Variants in PCDHGA11 observed in about 807,000 individuals in gnomAD.
PCDHGA11 encodes protocadherin gamma subfamily A, 11, also known as protocadherin gamma-A11.
PCDHGA11 carries 39 observed loss-of-function variants against 60.4 expected under a neutral mutation model. The observed-to-expected ratio is 0.65, with a 90% CI of 0.50 to 0.84. PCDHGA11 has a LOEUF of 0.84. Among genes scored for constraint, PCDHGA11 ranks in the 40% least tolerant of loss-of-function variants. The pLI is 0.00. For synonymous variants in PCDHGA11, 533 were observed against 510.3 expected, an observed-to-expected ratio of 1.04 and a Z score of -0.60; for missense variants, 1,165 against 1,197.7, an observed-to-expected ratio of 0.97 and a Z score of 0.40.
At chr5:141,447,178 C>T (rs1258561542) in intron 1 of PCDHGA11, among the ~76,000 whole-genome samples, 2 of 152,094 alleles carry the variant, frequency 1.3e-5, no homozygotes, top group Middle Eastern at 3.4e-3. Context: ...TTGCTCTTGT[C>T]GCGCAGGCTG....
At chr5:141,454,283 T>G (rs2098785864) in intron 1 of PCDHGA11, among the ~76,000 whole-genome samples, 1 of 152,134 alleles carries the variant, frequency 6.6e-6, no homozygotes, top group Non-Finnish European at 1.5e-5. Flanking sequence ...AACTTCACAT[T>G]AAAGGAACTC....
At chr5:141,455,430 G>C (rs190218223) in intron 1 of PCDHGA11, among the ~76,000 whole-genome samples, 1 of 152,274 alleles carries the variant, frequency 6.6e-6, no homozygotes, top group Admixed American at 6.5e-5. Flanking sequence ...CTCCAAAAGA[G>C]GAGGTCCCCA....
In PCDHGA11 at chr5:141,491,778, C is replaced by T. The variant is rs568710854; in HGVS notation, c.2434-3029C>T. 3.1e-4 allele frequency: 482 copies of T among 1,547,678 alleles called. No homozygotes were observed. The highest frequency in any genetic ancestry group is 2.2e-3 in the Middle Eastern group (13 of 5,890). On this transcript the variant is annotated intron_variant, in intron 1 of 3. Transcript: ENST00000398587. This position sits in a 1 kb window ranked among gnomAD's most constrained non-coding sequence, Gnocchi z 6.9. Reference sequence around the variant, plus strand: ...CCGCCCGTCCTCATAAGGGATTGAACTTGCATCCACTCCTCTCCGGCCGGC... The same window carrying T: ...CCGCCCGTCCTCATAAGGGATTGAATTTGCATCCACTCCTCTCCGGCCGGC...
chr5:141,426,898 C>G (rs1246109323), intron 1 of PCDHGA11: 3 of 456,634 alleles, frequency 6.6e-6, no homozygotes, highest in Admixed American at 4.7e-5. Context: ...CAACAGAGCT[C>G]TCATCTCCTG....
chr5:141,510,898 T>G (rs1393880610), intron 3 of PCDHGA11, 49 bp from the exon 4 acceptor site: 1 of 1,613,278 alleles, frequency 6.2e-7, no homozygotes, highest in East Asian at 2.2e-5. Context: ...ACAGTGACTG[T>G]TGAGGACCCT....
intron 1 of PCDHGA11, among the ~76,000 whole-genome samples, chr5:141,465,159 A>C (rs1333891587): frequency 6.6e-6 from 1 of 151,952 alleles, no homozygotes; most frequent in East Asian, 1.9e-4. Flanking sequence ...AGGGACTCTA[A>C]ATGTTTATGA....
Position 141,476,889 on chromosome 5 carries a change from C to T in PCDHGA11, c.2434-17918C>T. ...CGGGCGCGCGTCCTGGAGGATGCAC[C>T]CTCCGGCACGCGCGTGGTACAAGTC... is the stretch of plus-strand genomic sequence containing the variant. On this transcript the variant is annotated intron_variant, in intron 1 of 3. Transcript: ENST00000398587. This position sits in a 1 kb window ranked among gnomAD's most constrained non-coding sequence, Gnocchi z 7.6. 6.2e-7 allele frequency: 1 copy of T among 1,613,960 alleles called. No individual in the cohort carries two copies. The highest frequency in any genetic ancestry group is 8.5e-7 in the Non-Finnish European group (1 of 1,180,034).
At chr5:141,498,971 G>GGGAGGGAAGGAAGGAAGGAAGGAA (rs2099787588) in intron 2 of PCDHGA11, among the ~76,000 whole-genome samples, 6 of 110,972 alleles carry the variant, frequency 5.4e-5, no homozygotes, top group Admixed American at 5.3e-4. Flanking sequence ...GAGGGAGGGA[G>GGGAGGGAAGGAAGGAAGGAAGGAA]GGAAGGAAGG....
At chr5:141,430,217 T>C (rs1055487905) in intron 1 of PCDHGA11, among the ~76,000 whole-genome samples, 1 of 150,102 alleles carries the variant, frequency 6.7e-6, no homozygotes, top group Non-Finnish European at 1.5e-5. Context: ...TATTATATTA[T>C]ATGATTTGTC....
chr5:141,470,738 C>T lies in PCDHGA11; in HGVS notation c.2434-24069C>T, dbSNP rs117476356. On this transcript the variant is annotated intron_variant, in intron 1 of 3. Transcript: ENST00000398587. ...TTTGAGTCAGGGTCTTGCTCTGTCG[C>T]CCTGGCTGGAGTGCAGTGGACTCAC... Among the ~76,000 whole-genome samples the T allele has an allele frequency of 1.9e-3, 295 of 152,226 alleles. 7 individuals carry two copies. In the East Asian group the frequency reaches 0.046, roughly 24 times the overall value.
chr5:141,478,434 T>C (rs747890986), intron 1 of PCDHGA11: 2 of 1,613,700 alleles, frequency 1.2e-6, no homozygotes, highest in East Asian at 2.2e-5. Flanking sequence ...GACCCGCTGC[T>C]GAAGAAACCT....
At position 141,487,946 on chromosome 5, in the gene PCDHGA11, C is replaced by G. The variant is rs187890859; in HGVS notation, c.2434-6861C>G. 7.9e-5 allele frequency among the ~76,000 whole-genome samples: 12 copies of G among 152,298 alleles called. No homozygotes were observed. The highest frequency in any genetic ancestry group is 7.8e-4 in the Admixed American group (12 of 15,304). Reference sequence around the variant, plus strand: ...AGTGCACAGGGTACAGTGCACCAGGCAGTCACTTGGACAAAGGTGGCTGTT... The same window carrying G: ...AGTGCACAGGGTACAGTGCACCAGGGAGTCACTTGGACAAAGGTGGCTGTT... On this transcript the variant is annotated intron_variant, in intron 1 of 3. Transcript: ENST00000398587. The surrounding 1 kb of genome is among the most constrained non-coding windows in gnomAD (Gnocchi z 5.0).
rs374253072 is a variant in PCDHGA11, at chr5:141,476,894, G to A, written c.2434-17913G>A. ...GCGCGTCCTGGAGGATGCACCCTCCGGCACGCGCGTGGTACAAGTCCTTGC... is the reference window on the plus strand; with the variant it reads ...GCGCGTCCTGGAGGATGCACCCTCCAGCACGCGCGTGGTACAAGTCCTTGC... On this transcript the variant is annotated intron_variant, in intron 1 of 3. Transcript: ENST00000398587. The surrounding 1 kb of genome is among the most constrained non-coding windows in gnomAD (Gnocchi z 7.6). 48 of 1,613,834 alleles carry A rather than the reference G, an allele frequency of 3.0e-5. No homozygotes were observed. In the African/African-American group the frequency reaches 5.6e-4, roughly 19 times the overall value.
chr5:141,430,865 C>A, intron 1 of PCDHGA11: 2 of 1,595,350 alleles, frequency 1.3e-6, no homozygotes, highest in Non-Finnish European at 1.7e-6. Flanking sequence ...CTATTCAGTT[C>A]CGGAAGAGCT....
chr5:141,471,717 C>T (rs1196344901), intron 1 of PCDHGA11, among the ~76,000 whole-genome samples: 1 of 152,022 alleles, frequency 6.6e-6, no homozygotes, highest in Non-Finnish European at 1.5e-5. Flanking sequence ...GTGCCACTTA[C>T]CAGGTAAGGA....
Position 141,431,534 on chromosome 5 carries a change from A to G in PCDHGA11, c.2433+7874A>G, listed in dbSNP as rs1331176313. Reference sequence around the variant, plus strand: ...CGTTCCGGAGAATCTGGCCTTGGGCACGCAGCTGCTTGTAGTCAACGCTAC... The same window carrying G: ...CGTTCCGGAGAATCTGGCCTTGGGCGCGCAGCTGCTTGTAGTCAACGCTAC... On this transcript the variant is annotated intron_variant, in intron 1 of 3. Coordinates refer to ENST00000398587, the MANE Select transcript of PCDHGA11 (RefSeq NM_018914.3). This position sits in a 1 kb window ranked among gnomAD's most constrained non-coding sequence, Gnocchi z 4.8. The G allele has an allele frequency of 1.2e-6, 2 of 1,614,110 alleles. No individual in the cohort carries two copies. The highest frequency in any genetic ancestry group is 8.5e-7 in the Non-Finnish European group (1 of 1,180,042).
chr5:141,506,109 A>G (rs1027886504), intron 3 of PCDHGA11, among the ~76,000 whole-genome samples: 5 of 152,126 alleles, frequency 3.3e-5, no homozygotes, highest in Middle Eastern at 3.2e-3. Flanking sequence ...GTCCCTGAAG[A>G]GTCACTAGGG....
intron 1 of PCDHGA11, among the ~76,000 whole-genome samples, chr5:141,425,778 C>G (rs2096893107): frequency 6.6e-6 from 1 of 152,160 alleles, no homozygotes; most frequent in African/African-American, 2.4e-5. Flanking sequence ...AAGACTTTGC[C>G]TAGTTCTTCC....
chr5:141,478,549 A>G lies in PCDHGA11; in HGVS notation c.2434-16258A>G, dbSNP rs369095515. 8 of 1,602,904 alleles carry G rather than the reference A, an allele frequency of 5.0e-6. No individual in the cohort carries two copies. In the African/African-American group the frequency reaches 1.1e-4, roughly 21 times the overall value. On this transcript the variant is annotated intron_variant, in intron 1 of 3. Coordinates refer to ENST00000398587, the MANE Select transcript of PCDHGA11 (RefSeq NM_018914.3). ...CAGAGAGCGCCCCTCCCGGACAGGT[A>G]AGGTTTAGCAAGTCATGCTTGACCC...
Sources: allele counts gnomAD v4.1 joint callset (sites outside exome capture counted in the v4.1 genomes callset), GRCh38; gene constraint gnomAD v4.1.1; non-coding constraint Gnocchi (gnomAD v3.1); transcripts MANE v1.5; gene names NCBI Gene and HGNC (gene_info 2026-07-23, HGNC 2026-07-21).